SIN3A: variants seen among roughly 807,000 people sequenced by gnomAD.
SIN3A encodes paired amphipathic helix protein Sin3a.
SIN3A carries 14 observed loss-of-function variants against 146.1 expected under a neutral mutation model. The observed-to-expected ratio is 0.10, with a 90% CI of 0.06 to 0.15. The LOEUF (loss-of-function observed/expected upper bound fraction) is 0.15. SIN3A is among the 10% of genes least tolerant of loss of function. The probability of loss-of-function intolerance (pLI) is 1.00; values close to 1 mark genes in which losing one functional copy is unlikely to be tolerated. For missense variants in SIN3A, 1,028 were observed against 1,576.0 expected, an observed-to-expected ratio of 0.65 and a Z score of 5.89; for synonymous variants, 572 against 572.0, an observed-to-expected ratio of 1.00 and a Z score of 0.00.
chr15:75,400,172 G>C lies in SIN3A; in HGVS notation c.1738-16C>G, dbSNP rs750829100. The C allele has an allele frequency of 2.8e-5, 40 of 1,427,492 alleles. No homozygotes were observed. The highest frequency in any genetic ancestry group is 3.2e-5 in the Non-Finnish European group (33 of 1,018,880). 88.4% of individuals were successfully genotyped at this position (1,427,492 alleles called of 1,614,324 possible). A position where few individuals can be genotyped will look rare whatever the true frequency, so the allele number is the denominator to read the frequency against. ...CATTTAAAACCTTTGGGTAGAAGAA[G>C]AGAGACTGAAACAAAAGCCTAAAAA... On this transcript the variant is annotated splice_polypyrimidine_tract_variant and intron_variant, in intron 11 of 20. Transcript: ENST00000394947.
At chr15:75,385,466 C>CTCCTAAGA (rs2073060161) in intron 16 of SIN3A, among the ~76,000 whole-genome samples, 1 of 152,172 alleles carries the variant, frequency 6.6e-6, no homozygotes, top group Non-Finnish European at 1.5e-5. Context: ...TTGTGACAAT[C>CTCCTAAGA]TTAGGAAACT....
At chr15:75,426,672 G>A (rs548059565) in intron 2 of SIN3A, among the ~76,000 whole-genome samples, 1 of 152,318 alleles carries the variant, frequency 6.6e-6, no homozygotes, top group Admixed American at 6.5e-5. Context: ...GCTCATGCCT[G>A]TAATCCTAGC....
rs118111318 is a variant in SIN3A, at chr15:75,380,381, G to C, written c.3383+248C>G. On this transcript the variant is annotated intron_variant, in intron 19 of 20. Coordinates refer to ENST00000394947, the MANE Select transcript of SIN3A (RefSeq NM_001145358.2). Reference sequence around the variant, plus strand: ...TCTTCCATCGAACCATGGAGACTCTGACACACATTCCCATCCAAAGTACGG... The same window carrying C: ...TCTTCCATCGAACCATGGAGACTCTCACACACATTCCCATCCAAAGTACGG... Among the ~76,000 whole-genome samples the C allele has an allele frequency of 7.2e-5, 11 of 152,288 alleles. No individual in the cohort carries two copies. In the East Asian group the frequency reaches 1.3e-3, roughly 19 times the overall value.
Position 75,375,799 on chromosome 15 carries a change from T to C in SIN3A, c.3457A>G (p.Lys1153Glu), listed in dbSNP as rs144295678. The C allele has an allele frequency of 6.2e-7, 1 of 1,614,232 alleles. No individual in the cohort carries two copies. Among genetic ancestry groups the C allele is most frequent in the East Asian group, 2.2e-5 (1 of 44,896 alleles). The stretch of plus-strand genomic sequence containing the variant: ...CTATCCACATTCTCCATGGTCTTCT[T>C]GCTGTTTCCTTCCTTCCCTTCCTTT... ...QEKEGKEGNS[K>E]KTMENVDSLD... Residue 1153 changes from lysine to glutamate, a missense_variant, in exon 20 of 21, where the codon AAG (lysine) becomes GAG (glutamate). Lys to Glu is a moderately conservative substitution (Grantham distance 56, BLOSUM62 1). Around this residue, in one of 9 missense-constraint regions of SIN3A, gnomAD observed 488 missense variants for 690.2 expected, o/e 0.71. Coordinates refer to ENST00000394947, the MANE Select transcript of SIN3A (RefSeq NM_001145358.2).
intron 19 of SIN3A, among the ~76,000 whole-genome samples, chr15:75,377,689 C>T (rs2072888652): frequency 6.6e-6 from 1 of 151,976 alleles, no homozygotes; most frequent in East Asian, 1.9e-4. Flanking sequence ...AATCCCAACC[C>T]CTCAATTTAC....
At chr15:75,453,708 C>A (rs1043637371), upstream of SIN3A, 1 of 152,292 alleles carries the variant, frequency 6.6e-6, no homozygotes, top group Non-Finnish European at 1.5e-5. Flanking sequence ...AGCTTAAGCT[C>A]AGGGAAGTCA....
chr15:75,420,525 T>A (rs1319263036), intron 3 of SIN3A: 3 of 152,136 alleles, frequency 2.0e-5, no homozygotes, highest in Non-Finnish European at 4.4e-5. Context: ...GCTGGGATTA[T>A]TACAGGCATG....
At chr15:75,399,899 G>A in intron 12 of SIN3A, 141 bp downstream of exon 12, 1 of 636,254 alleles carries the variant, frequency 1.6e-6, no homozygotes, top group Non-Finnish European at 2.8e-6. Flanking sequence ...ATAAAGCATG[G>A]AAAGTACCAC....
Position 75,370,331 on chromosome 15 carries a change from G to A in SIN3A, c.*1648C>T, listed in dbSNP as rs1322039908. 2 of 152,160 alleles carry A rather than the reference G, an allele frequency of 1.3e-5. No individual in the cohort carries two copies. The highest frequency in any genetic ancestry group is 4.8e-5 in the African/African-American group (2 of 41,430). 9.4% of individuals were successfully genotyped at this position (152,160 alleles called of 1,614,324 possible). A position where few individuals can be genotyped will look rare whatever the true frequency, so the allele number is the denominator to read the frequency against. The stretch of plus-strand genomic sequence containing the variant: ...TGTTTTTCTTTTTGGTGGTGGTGGT[G>A]ATTTTTAACTAAAAAGCAAACATAA... On this transcript the variant is annotated 3_prime_UTR_variant, in exon 21 of 21. Transcript: ENST00000394947.
chr15:75,411,799 G>T, intron 5 of SIN3A, 56 bp from the exon 6 acceptor site: 1 of 1,509,122 alleles, frequency 6.6e-7, no homozygotes, highest in Non-Finnish European at 8.9e-7. Context: ...TTGATACAAG[G>T]AAAGTTCAAA....
intron 3 of SIN3A, chr15:75,421,969 T>A (rs76005098): frequency 6.6e-6 from 1 of 152,258 alleles, no homozygotes; most frequent in Non-Finnish European, 1.5e-5. Context: ...CAGTTTTCCC[T>A]GAACTTTATA....
chr15:75,422,454 A>C, intron 3 of SIN3A, 193 bp downstream of exon 3: 1 of 657,594 alleles, frequency 1.5e-6, no homozygotes, highest in South Asian at 1.8e-5. Context: ...ATTTGAGTAT[A>C]TTCTTCTCTG....
chr15:75,380,987 T>C (rs1423596000), intron 18 of SIN3A: 1 of 299,726 alleles, frequency 3.3e-6, no homozygotes, highest in Admixed American at 4.3e-5. Context: ...CACTGACAAG[T>C]TTCATTTCCC....
intron 2 of SIN3A, 76 bp downstream of exon 2, chr15:75,430,111 T>TA (rs1402704030): frequency 2.6e-5 from 30 of 1,152,478 alleles, no homozygotes; most frequent in Non-Finnish European, 3.7e-5. Flanking sequence ...AACACAGTAT[T>TA]AAAAAAAGTT....
intron 19 of SIN3A, among the ~76,000 whole-genome samples, chr15:75,377,002 A>G (rs1344149695): frequency 6.6e-6 from 1 of 152,132 alleles, no homozygotes; most frequent in Non-Finnish European, 1.5e-5. Context: ...GATCAAAACT[A>G]TTCTCATAAT....
In SIN3A at chr15:75,442,157, A is replaced by AT. The variant is rs1321264843; in HGVS notation, c.-34+9265dup. 1.8e-3 allele frequency among the ~76,000 whole-genome samples: 190 copies of AT among 104,644 alleles called. 1 individual carries two copies. Among genetic ancestry groups the AT allele is most frequent in the South Asian group, 2.5e-3 (8 of 3,208 alleles). The allele number at this position is 104,644 out of a possible 152,430, so 68.7% of individuals were successfully genotyped here. A position where few individuals can be genotyped will look rare whatever the true frequency, so the allele number is the denominator to read the frequency against. On this transcript the variant is annotated intron_variant, in intron 1 of 20. Coordinates refer to ENST00000394947, the MANE Select transcript of SIN3A (RefSeq NM_001145358.2). ...AAAAAAAAAAAAAAAAAAAAAACTG[A>AT]TTTTTTTTTTCATTTTTACATAATT...
intron 9 of SIN3A, among the ~76,000 whole-genome samples, chr15:75,406,591 G>A (rs1047106208): frequency 6.6e-6 from 1 of 152,162 alleles, no homozygotes; most frequent in Non-Finnish European, 1.5e-5. Context: ...GGAGGCTGAG[G>A]CAGGAGAATG....
intron 1 of SIN3A, among the ~76,000 whole-genome samples, chr15:75,439,363 CAG>C (rs889854723): frequency 6.7e-6 from 1 of 150,152 alleles, no homozygotes; most frequent in Non-Finnish European, 1.5e-5. Context: ...TTTTTTGAGA[CAG>C]AGTCTTGCTC....
chr15:75,374,845 A>G (rs1383730197), intron 20 of SIN3A, among the ~76,000 whole-genome samples: 2 of 152,186 alleles, frequency 1.3e-5, no homozygotes, highest in Non-Finnish European at 2.9e-5. Context: ...CCTGTATGCT[A>G]GTTACCCTTG....
Sources: gnomAD v4.1 joint callset for allele counts (sites outside exome capture counted in the v4.1 genomes callset) on GRCh38, gnomAD v4.1.1 for gene constraint, gnomAD v4.1.1 regional missense constraint, MANE v1.5 for transcripts, NCBI Gene and HGNC (gene_info 2026-07-23, HGNC 2026-07-21) for gene names.